GRID1: variants seen among roughly 807,000 people sequenced by gnomAD.
GRID1 encodes glutamate ionotropic receptor delta type subunit 1.
Under a neutral mutation model 98.0 loss-of-function variants are expected in GRID1, and 28 were observed. The observed-to-expected ratio is 0.29, with a 90% CI of 0.21 to 0.39. The LOEUF is 0.39. Ranked by LOEUF, GRID1 falls within the 10% of genes least tolerant of loss-of-function variation. The probability of loss-of-function intolerance (pLI) is 1.00; values close to 1 mark genes in which losing one functional copy is unlikely to be tolerated. For synonymous variants in GRID1, 553 were observed against 538.5 expected (o/e 1.03, Z -0.37); for missense variants, 1,111 against 1,340.5 (o/e 0.83, Z 2.67).
chr10:85,851,430 T>C (rs1008768866), intron 8 of GRID1, among the ~76,000 whole-genome samples: 3 of 152,126 alleles, frequency 2.0e-5, no homozygotes, highest in African/African-American at 7.2e-5. Context: ...GATGAGATAA[T>C]TGAATTAGTA....
At chr10:85,740,160 G>A (rs895543247) in intron 8 of GRID1, among the ~76,000 whole-genome samples, 3 of 152,094 alleles carry the variant, frequency 2.0e-5, no homozygotes, top group African/African-American at 7.2e-5. Context: ...TCCAGCAAAG[G>A]CATTCTCTAT....
chr10:85,990,844 A>G (rs1259127593), intron 4 of GRID1, among the ~76,000 whole-genome samples: 1 of 152,118 alleles, frequency 6.6e-6, no homozygotes, highest in East Asian at 1.9e-4. Flanking sequence ...TCGGAAACCA[A>G]TAGAATAAAA....
chr10:85,791,156 A>T (rs182931942), intron 8 of GRID1, among the ~76,000 whole-genome samples: 1 of 152,318 alleles, frequency 6.6e-6, no homozygotes, highest in Non-Finnish European at 1.5e-5. Flanking sequence ...TCCTCAGATA[A>T]GAGCATTTCA....
At chr10:86,025,446 T>G (rs1843104099) in intron 4 of GRID1, among the ~76,000 whole-genome samples, 1 of 152,172 alleles carries the variant, frequency 6.6e-6, no homozygotes. Context: ...GCAGCCTTAT[T>G]AGAATTGGCT....
intron 4 of GRID1, among the ~76,000 whole-genome samples, chr10:86,123,472 C>T (rs1159465389): frequency 2.0e-5 from 3 of 152,180 alleles, no homozygotes; most frequent in African/African-American, 7.2e-5. Flanking sequence ...CACATGCAAA[C>T]TCTGCACCCA....
At chr10:86,114,846 C>A (rs1490484310) in intron 4 of GRID1, among the ~76,000 whole-genome samples, 1 of 152,220 alleles carries the variant, frequency 6.6e-6, no homozygotes, top group African/African-American at 2.4e-5. Context: ...ACAGTCTCCT[C>A]CAGGGCATGG....
intron 4 of GRID1, among the ~76,000 whole-genome samples, chr10:86,107,902 A>C (rs971639593): frequency 6.6e-6 from 1 of 152,194 alleles, no homozygotes; most frequent in Non-Finnish European, 1.5e-5. Context: ...CCATCTGCTG[A>C]GAGCCACTCC....
chr10:85,921,236 T>C (rs1841698957), intron 4 of GRID1, among the ~76,000 whole-genome samples: 1 of 152,166 alleles, frequency 6.6e-6, no homozygotes, highest in Non-Finnish European at 1.5e-5. Flanking sequence ...TTGACTTATG[T>C]GTATATCCAC....
At chr10:86,150,223 G>A (rs567474334) in intron 3 of GRID1, among the ~76,000 whole-genome samples, 5 of 152,184 alleles carry the variant, frequency 3.3e-5, no homozygotes, top group African/African-American at 4.8e-5. Flanking sequence ...AGCTGAAGTC[G>A]CCCAGTGAGA....
chr10:85,799,761 T>A (rs773749440), intron 8 of GRID1, among the ~76,000 whole-genome samples: 5 of 151,908 alleles, frequency 3.3e-5, no homozygotes, highest in Non-Finnish European at 7.4e-5. Context: ...GGGTATAAAA[T>A]TAGTTAAAGA....
At chr10:86,293,759 T>G (rs1847549349) in intron 2 of GRID1, among the ~76,000 whole-genome samples, 1 of 144,352 alleles carries the variant, frequency 6.9e-6, no homozygotes, top group Admixed American at 6.8e-5. Context: ...TGGAATGCAT[T>G]CATTCATTCA....
At chr10:86,242,244 G>A (rs1846648591) in intron 2 of GRID1, among the ~76,000 whole-genome samples, 2 of 152,278 alleles carry the variant, frequency 1.3e-5, no homozygotes, top group South Asian at 4.1e-4. Context: ...CTGGCAGAAG[G>A]AACAACACAT....
chr10:85,810,305 G>A lies in GRID1; in HGVS notation c.1233+44191C>T, dbSNP rs954197734. Among the ~76,000 whole-genome samples the A allele has an allele frequency of 3.9e-5, 6 of 152,334 alleles. No individual in the cohort carries two copies. In the South Asian group the frequency reaches 8.3e-4, roughly 21 times the overall value. ...GGGTGGCTGTAACACCATGACCCCA[G>A]CTGCTCAGAGCCTGGGCCCAGGAAT... On this transcript the variant is annotated intron_variant, in intron 8 of 15. Transcript: ENST00000327946.
chr10:85,846,346 A>C (rs1250743887), intron 8 of GRID1, among the ~76,000 whole-genome samples: 1 of 152,174 alleles, frequency 6.6e-6, no homozygotes, highest in Non-Finnish European at 1.5e-5. Context: ...CAGCGTCACC[A>C]GGATGGTGAA....
rs958134476 is a variant in GRID1, at chr10:85,869,089, T to A, written c.872A>T (p.Asn291Ile). Residue 291 changes from asparagine to isoleucine, a missense_variant, in exon 6 of 16, where the codon AAT (asparagine) becomes ATT (isoleucine). Physicochemically the swap from Asn to Ile is moderately radical, Grantham distance 149. This residue lies in a region of GRID1 where 346 missense variants were observed against 452.3 expected (regional missense o/e 0.76). Transcript: ENST00000327946. ...GTGGTTGTTCCTCGTGCATTTCTGA[T>A]TGTCCTTTGCAGACGGAAAGATTTG... is the stretch of plus-strand genomic sequence containing the variant. ...VRQIFPSAKD[N>I]QKCTRNNHRI... 6.2e-7 allele frequency: 1 copy of A among 1,613,962 alleles called. No homozygotes were observed. Among genetic ancestry groups the A allele is most frequent in the African/African-American group, 1.3e-5 (1 of 74,926 alleles).
At chr10:85,697,170 G>T (rs1236735956) in intron 12 of GRID1, among the ~76,000 whole-genome samples, 2 of 152,010 alleles carry the variant, frequency 1.3e-5, no homozygotes, top group African/African-American at 4.8e-5. Context: ...GATTTATAAA[G>T]CCTTAATAGT....
intron 2 of GRID1, 92 bp downstream of exon 2, chr10:86,363,849 G>T (rs868670149): frequency 9.0e-7 from 1 of 1,116,718 alleles, no homozygotes; most frequent in South Asian, 1.4e-5. Context: ...GGTGCCCTGC[G>T]CAGCCCAGCT....
intron 2 of GRID1, among the ~76,000 whole-genome samples, chr10:86,272,698 G>C: frequency 6.6e-6 from 1 of 152,190 alleles, no homozygotes; most frequent in East Asian, 1.9e-4. Context: ...AAAAGACACA[G>C]TTGAGACATA....
chr10:85,736,059 A>T lies in GRID1; in HGVS notation c.1234-6445T>A, dbSNP rs146354470. On this transcript the variant is annotated intron_variant, in intron 8 of 15. Coordinates refer to ENST00000327946, the MANE Select transcript of GRID1 (RefSeq NM_017551.3). Reference sequence around the variant, plus strand: ...GTAGGGAGGGAGAAAGGAAAGAAGGAAGGAGAGAGGGAAGGAAGGAGAGAA... The same window carrying T: ...GTAGGGAGGGAGAAAGGAAAGAAGGTAGGAGAGAGGGAAGGAAGGAGAGAA... 8.5e-3 allele frequency among the ~76,000 whole-genome samples: 1,159 copies of T among 136,040 alleles called. 16 individuals are homozygous for T. Among genetic ancestry groups the T allele is most frequent in the African/African-American group, 0.031 (1,093 of 35,544 alleles). 89.2% of individuals were successfully genotyped at this position (136,040 alleles called of 152,430 possible).
Sources: allele counts gnomAD v4.1 joint callset (sites outside exome capture counted in the v4.1 genomes callset), GRCh38; gene constraint gnomAD v4.1.1; regional missense constraint gnomAD v4.1.1; transcripts MANE v1.5; gene names NCBI Gene and HGNC (gene_info 2026-07-23, HGNC 2026-07-21).